Variants in CDKAL1 observed in about 807,000 individuals in gnomAD.
CDKAL1 encodes the protein threonylcarbamoyladenosine tRNA methylthiotransferase.
CDKAL1 carries 32 observed loss-of-function variants against 68.2 expected under a neutral mutation model. That is an observed-to-expected ratio of 0.47 (90% confidence interval 0.35 to 0.63). The LOEUF is 0.63. Ranked by LOEUF, CDKAL1 falls within the 30% of genes least tolerant of loss-of-function variation. CDKAL1 has a pLI of 0.00. For missense variants in CDKAL1, 606 were observed against 696.7 expected (o/e 0.87, Z 1.47); for synonymous variants, 234 against 244.3 (o/e 0.96, Z 0.39).
intron 8 of CDKAL1, among the ~76,000 whole-genome samples, chr6:20,838,962 G>A (rs1448916357): frequency 6.7e-6 from 1 of 148,698 alleles, no homozygotes; most frequent in South Asian, 2.1e-4. Context: ...GAGACAGAGC[G>A]AGACTCCATC....
At chr6:21,066,614 TG>T (rs1562002972) in intron 12 of CDKAL1, among the ~76,000 whole-genome samples, 1 of 152,116 alleles carries the variant, frequency 6.6e-6, no homozygotes. Flanking sequence ...CCTTTTGTTT[TG>T]TTCTGTTTTG....
intron 5 of CDKAL1, among the ~76,000 whole-genome samples, chr6:20,693,829 A>G (rs561352204): frequency 6.6e-6 from 1 of 152,132 alleles, no homozygotes; most frequent in South Asian, 2.1e-4. Flanking sequence ...CAAGTAACTG[A>G]TAGGAGTCAT....
At chr6:21,047,534 T>A (rs1050712348) in intron 11 of CDKAL1, among the ~76,000 whole-genome samples, 5 of 152,220 alleles carry the variant, frequency 3.3e-5, no homozygotes, top group African/African-American at 1.2e-4. Context: ...ACTGTCTGTT[T>A]TTCCAAGTTC....
intron 7 of CDKAL1, chr6:20,772,792 A>C (rs1203800382): frequency 6.6e-6 from 1 of 152,162 alleles, no homozygotes; most frequent in East Asian, 1.9e-4. Flanking sequence ...ATATTAAACA[A>C]TTCTCAGATT....
intron 5 of CDKAL1, among the ~76,000 whole-genome samples, chr6:20,671,185 T>C (rs1373616467): frequency 1.3e-5 from 2 of 152,210 alleles, no homozygotes; most frequent in Non-Finnish European, 2.9e-5. Context: ...TGGAATTTTA[T>C]TGTTGTCATT....
At chr6:20,878,730 T>C (rs1760662545) in intron 9 of CDKAL1, among the ~76,000 whole-genome samples, 1 of 150,792 alleles carries the variant, frequency 6.6e-6, no homozygotes, top group Non-Finnish European at 1.5e-5. Flanking sequence ...AGCAAGACTC[T>C]GTCTCATAAA....
Position 21,102,091 on chromosome 6 carries a change from C to T in CDKAL1, c.1237-6310C>T, listed in dbSNP as rs1367442688. Among the ~76,000 whole-genome samples the T allele has an allele frequency of 5.3e-5, 8 of 152,198 alleles. No homozygotes were observed. The East Asian group carries it at 1.4e-3, about 26-fold the overall frequency. On this transcript the variant is annotated intron_variant, in intron 12 of 15. Transcript: ENST00000274695. Reference sequence around the variant, plus strand: ...TGATCATTCGTCACTGTATTTTTTCCATTATGTGTTCTAATCATTTAGCCT... The same window carrying T: ...TGATCATTCGTCACTGTATTTTTTCTATTATGTGTTCTAATCATTTAGCCT...
intron 5 of CDKAL1, among the ~76,000 whole-genome samples, chr6:20,738,772 T>G (rs1561733569): frequency 6.6e-6 from 1 of 152,224 alleles, no homozygotes; most frequent in Non-Finnish European, 1.5e-5. Flanking sequence ...GTGTTGGGAT[T>G]ACAGGTGTGA....
chr6:20,602,854 TG>T (rs747617228), intron 4 of CDKAL1, among the ~76,000 whole-genome samples: 2 of 152,210 alleles, frequency 1.3e-5, no homozygotes, highest in South Asian at 4.1e-4. Flanking sequence ...CCATATTCAT[TG>T]TATGCTTTTC....
intron 4 of CDKAL1, among the ~76,000 whole-genome samples, chr6:20,645,859 C>T (rs373011213): frequency 2.9e-4 from 44 of 151,542 alleles, no homozygotes; most frequent in African/African-American, 1.0e-3. Flanking sequence ...GAAACATACA[C>T]ATGAGCCTAG....
intron 9 of CDKAL1, among the ~76,000 whole-genome samples, chr6:20,940,056 G>A (rs1378699635): frequency 6.6e-6 from 1 of 152,112 alleles, no homozygotes; most frequent in African/African-American, 2.4e-5. Flanking sequence ...TCTCTATTTT[G>A]TAAACACTGT....
intron 13 of CDKAL1, among the ~76,000 whole-genome samples, chr6:21,136,600 A>G (rs1281571973): frequency 6.6e-6 from 1 of 152,216 alleles, no homozygotes; most frequent in East Asian, 1.9e-4. Context: ...CTGGGGGACC[A>G]TGACTCATTA....
At chr6:20,586,072 A>G (rs1432003077) in intron 4 of CDKAL1, among the ~76,000 whole-genome samples, 1 of 152,148 alleles carries the variant, frequency 6.6e-6, no homozygotes, top group East Asian at 1.9e-4. Flanking sequence ...TTTCCACATC[A>G]CACACTGAGT....
chr6:20,929,279 C>G (rs1170976284), intron 9 of CDKAL1, among the ~76,000 whole-genome samples: 2 of 152,140 alleles, frequency 1.3e-5, no homozygotes, highest in Non-Finnish European at 1.5e-5. Flanking sequence ...TTTTTGGGGA[C>G]TACTCCAGGT....
At chr6:21,033,166 G>A (rs1769388710) in intron 11 of CDKAL1, among the ~76,000 whole-genome samples, 1 of 152,074 alleles carries the variant, frequency 6.6e-6, no homozygotes, top group Non-Finnish European at 1.5e-5. Flanking sequence ...ATTTTTGAGG[G>A]ACTTAGAAGT....
intron 10 of CDKAL1, among the ~76,000 whole-genome samples, chr6:20,969,144 G>T (rs1242793936): frequency 6.6e-6 from 1 of 152,138 alleles, no homozygotes; most frequent in East Asian, 1.9e-4. Flanking sequence ...CGGCTTAGAG[G>T]TACCCCCTCA....
At chr6:20,707,933 AC>A (rs1490874051) in intron 5 of CDKAL1, among the ~76,000 whole-genome samples, 1 of 152,204 alleles carries the variant, frequency 6.6e-6, no homozygotes, top group Non-Finnish European at 1.5e-5. Flanking sequence ...AGGATTCCCC[AC>A]AGTGGCATTA....
At chr6:20,935,817 C>A (rs10946419) in intron 9 of CDKAL1, among the ~76,000 whole-genome samples, 60,523 of 152,026 alleles carry the variant, frequency 0.4, 12,916 homozygotes, top group Non-Finnish European at 0.47. Context: ...CGATCCTCCC[C>A]CTTTGGCCTC....
chr6:21,203,613 A>G (rs1464468872), intron 15 of CDKAL1, among the ~76,000 whole-genome samples: 1 of 151,326 alleles, frequency 6.6e-6, no homozygotes, highest in Non-Finnish European at 1.5e-5. Context: ...CCAGGCCTCA[A>G]ACGGTCCTCC....
Sources: gnomAD v4.1 joint callset for allele counts (sites outside exome capture counted in the v4.1 genomes callset) on GRCh38, gnomAD v4.1.1 for gene constraint, MANE v1.5 for transcripts, NCBI Gene and HGNC (gene_info 2026-07-23, HGNC 2026-07-21) for gene names.